CAMTA1: variants seen among roughly 807,000 people sequenced by gnomAD.
CAMTA1 encodes calmodulin binding transcription activator 1.
A neutral mutation model predicts 170.9 loss-of-function variants in CAMTA1; 27 were observed. The ratio of observed to expected loss-of-function variants is 0.16; its 90% CI spans 0.12 to 0.22. The LOEUF (loss-of-function observed/expected upper bound fraction) is 0.22, where lower values mean the gene tolerates loss of function less well. CAMTA1 is among the 10% of genes least tolerant of loss of function. CAMTA1 has a pLI of 1.00. For missense variants in CAMTA1, 1,619 were observed against 2,217.2 expected, an observed-to-expected ratio of 0.73 and a Z score of 5.42; for synonymous variants, 833 against 891.5, an observed-to-expected ratio of 0.93 and a Z score of 1.17.
intron 11 of CAMTA1, among the ~76,000 whole-genome samples, chr1:7,723,373 T>C (rs2096661955): frequency 1.3e-5 from 2 of 152,188 alleles, no homozygotes; most frequent in South Asian, 2.1e-4. Flanking sequence ...CAGTATCAGA[T>C]TGTGACCCAA....
chr1:7,493,515 G>A (rs1048584699), intron 6 of CAMTA1, among the ~76,000 whole-genome samples: 15 of 152,066 alleles, frequency 9.9e-5, no homozygotes, highest in South Asian at 2.1e-4. Context: ...ACACACACAC[G>A]CGCAGGGGCA....
At chr1:7,658,507 C>T (rs1190107902) in intron 7 of CAMTA1, among the ~76,000 whole-genome samples, 1 of 152,182 alleles carries the variant, frequency 6.6e-6, no homozygotes, top group Non-Finnish European at 1.5e-5. Flanking sequence ...CTGGAACAGA[C>T]CACTGCCTGT....
chr1:7,397,098 C>T lies in CAMTA1; in HGVS notation c.439-70732C>T, dbSNP rs575430102. ...ATAGTTATTTAAATATTTGGTAGAA[C>T]TCAGCAATGAAGTCATCAGGTCCTG... On this transcript the variant is annotated intron_variant, in intron 5 of 22. Transcript: ENST00000303635. Among the ~76,000 whole-genome samples, 44 of 152,228 alleles carry T rather than the reference C, an allele frequency of 2.9e-4. No individual in the cohort carries two copies. In the Middle Eastern group the frequency reaches 0.024, roughly 82 times the overall value.
At chr1:7,211,605 G>T (rs1048312566) in intron 4 of CAMTA1, among the ~76,000 whole-genome samples, 1 of 152,106 alleles carries the variant, frequency 6.6e-6, no homozygotes, top group South Asian at 2.1e-4. Flanking sequence ...TTCTTTGAGC[G>T]CTTCCTTTTT....
Position 7,663,720 on chromosome 1 carries a change from G to T in CAMTA1, c.1173G>T (p.Gly391=). 3 of 1,614,042 alleles carry T rather than the reference G, an allele frequency of 1.9e-6. No homozygotes were observed. The highest frequency in any genetic ancestry group is 1.3e-5 in the African/African-American group (1 of 75,030). ...GTATGGCGGTGGCCTCTGTGATGGG[G>T]AGCTTGTCCCAGAGCGCCACGGTGT... The part of the protein sequence containing the change: ...VSGMAVASVM[G]SLSQSATVFM... The change falls in exon 9 of 23, where the codon GGG becomes GGT. Residue 391 remains glycine, a synonymous_variant. Transcript: ENST00000303635.
At chr1:6,921,852 G>A (rs1486368349) in intron 3 of CAMTA1, among the ~76,000 whole-genome samples, 3 of 152,146 alleles carry the variant, frequency 2.0e-5, no homozygotes, top group Non-Finnish European at 2.9e-5. Flanking sequence ...CTCCCACTGG[G>A]TCCCTCCCAC....
rs1287955794 is a variant in CAMTA1 at position 7,463,047 on chromosome 1, A to G, written c.439-4783A>G. On this transcript the variant is annotated intron_variant, in intron 5 of 22. Transcript: ENST00000303635. This position sits in a 1 kb window ranked among gnomAD's most constrained non-coding sequence, Gnocchi z 4.7. ...CAGCACAGGGAGGTTGTCCTGGTGA[A>G]TGGCACTGTGTGCGGCAGAGCCTAT... 1.3e-5 allele frequency among the ~76,000 whole-genome samples: 2 copies of G among 152,158 alleles called. No homozygotes were observed. The highest frequency in any genetic ancestry group is 2.9e-5 in the Non-Finnish European group (2 of 68,018).
At chr1:6,871,503 T>C (rs1233777373) in intron 3 of CAMTA1, among the ~76,000 whole-genome samples, 7 of 152,170 alleles carry the variant, frequency 4.6e-5, no homozygotes, top group African/African-American at 1.7e-4. Flanking sequence ...AAACAGGTTA[T>C]GGGGTCAAAT....
At chr1:6,873,477 G>A (rs745544485) in intron 3 of CAMTA1, among the ~76,000 whole-genome samples, 4 of 152,072 alleles carry the variant, frequency 2.6e-5, no homozygotes, top group African/African-American at 9.7e-5. Flanking sequence ...GCCCCAAACC[G>A]GCTGACCCCT....
intron 7 of CAMTA1, among the ~76,000 whole-genome samples, chr1:7,655,064 A>AT (rs1309775200): frequency 1.4e-5 from 2 of 142,816 alleles, no homozygotes; most frequent in East Asian, 4.1e-4. Flanking sequence ...ATACAAACAC[A>AT]CCCACCTATA....
intron 4 of CAMTA1, among the ~76,000 whole-genome samples, chr1:7,130,509 G>C (rs1390323492): frequency 6.6e-6 from 1 of 152,096 alleles, no homozygotes; most frequent in African/African-American, 2.4e-5. Flanking sequence ...GAAGTATATT[G>C]AACTTTATAT....
At chr1:7,347,350 C>T (rs950256175) in intron 5 of CAMTA1, among the ~76,000 whole-genome samples, 1 of 152,144 alleles carries the variant, frequency 6.6e-6, no homozygotes, top group South Asian at 2.1e-4. Flanking sequence ...CAGAGTGGTC[C>T]GGTGCCCAGG....
intron 11 of CAMTA1, among the ~76,000 whole-genome samples, chr1:7,692,453 G>A (rs1317267283): frequency 6.6e-6 from 1 of 152,138 alleles, no homozygotes; most frequent in Admixed American, 6.5e-5. Context: ...CTGGAGGAGA[G>A]CCTCATCTGA....
chr1:6,997,064 G>A lies in CAMTA1; in HGVS notation c.235-94240G>A, dbSNP rs555151527. ...TGTTGGTAATTGTAAGCATTCTTAT[G>A]TTACAGTCTTACGTGTGGTTCCTAG... On this transcript the variant is annotated intron_variant, in intron 3 of 22. Coordinates refer to ENST00000303635, the MANE Select transcript of CAMTA1 (RefSeq NM_015215.4). 1.1e-4 allele frequency among the ~76,000 whole-genome samples: 17 copies of A among 152,232 alleles called. 2 individuals carry two copies. The South Asian group carries it at 3.5e-3, about 32-fold the overall frequency.
At chr1:7,168,621 C>T (rs1346609529) in intron 4 of CAMTA1, among the ~76,000 whole-genome samples, 1 of 152,204 alleles carries the variant, frequency 6.6e-6, no homozygotes, top group Non-Finnish European at 1.5e-5. Flanking sequence ...CCAGGCTGGC[C>T]TGGAACTCCT....
chr1:6,882,508 G>A (rs1671898266), intron 3 of CAMTA1, among the ~76,000 whole-genome samples: 1 of 152,152 alleles, frequency 6.6e-6, no homozygotes, highest in Admixed American at 6.5e-5. Flanking sequence ...GATGATGACT[G>A]TGTTTTTGCA....
chr1:7,564,520 A>G (rs2095010599), intron 6 of CAMTA1, among the ~76,000 whole-genome samples: 1 of 152,240 alleles, frequency 6.6e-6, no homozygotes, highest in Non-Finnish European at 1.5e-5. Flanking sequence ...GGGATGGCCC[A>G]TGCACCAAAA....
At chr1:7,270,294 T>A (rs867922179) in intron 5 of CAMTA1, among the ~76,000 whole-genome samples, 11,003 of 111,438 alleles carry the variant, frequency 0.099, 471 homozygotes, top group Non-Finnish European at 0.12. Flanking sequence ...TATATATATT[T>A]TTTTTTTTTT....
intron 5 of CAMTA1, among the ~76,000 whole-genome samples, chr1:7,350,488 T>C (rs1391334818): frequency 6.6e-6 from 1 of 152,210 alleles, no homozygotes; most frequent in Non-Finnish European, 1.5e-5. Flanking sequence ...GGTGGAAAAG[T>C]GTAGCCTCTC....
Sources: gnomAD v4.1 joint callset for allele counts (sites outside exome capture counted in the v4.1 genomes callset) on GRCh38, gnomAD v4.1.1 for gene constraint, Gnocchi (gnomAD v3.1) non-coding constraint, MANE v1.5 for transcripts, NCBI Gene and HGNC (gene_info 2026-07-23, HGNC 2026-07-21) for gene names.